Variants in ZNF106 observed in about 807,000 individuals in gnomAD.
ZNF106 encodes the protein zinc finger protein 106.
In ZNF106, 67 loss-of-function variants were observed where a neutral mutation model predicts 195.1. The observed-to-expected ratio is 0.34, with a 90% CI of 0.28 to 0.42. ZNF106 has a LOEUF of 0.42. ZNF106 is among the 10% of genes least tolerant of loss of function. ZNF106 has a pLI of 1.00. For synonymous variants in ZNF106, 784 were observed against 818.6 expected (o/e 0.96, Z 0.72); for missense variants, 2,118 against 2,304.5 (o/e 0.92, Z 1.66).
intron 21 of ZNF106, 59 bp downstream of exon 21, chr15:42,417,746 A>C: frequency 6.6e-7 from 1 of 1,506,248 alleles, no homozygotes; most frequent in South Asian, 1.4e-5. Context: ...AAGGTTTGCT[A>C]GCCCCTGCTC....
At chr15:42,446,388 C>G (rs1044600459) in intron 7 of ZNF106, among the ~76,000 whole-genome samples, 1 of 152,036 alleles carries the variant, frequency 6.6e-6, no homozygotes, top group Non-Finnish European at 1.5e-5. Context: ...TGAGTCCAGC[C>G]TGGGCAATAT....
At chr15:42,454,793 G>A (rs1435585593) in intron 4 of ZNF106, among the ~76,000 whole-genome samples, 1 of 152,012 alleles carries the variant, frequency 6.6e-6, no homozygotes, top group African/African-American at 2.4e-5. Context: ...CAGCTTCTCG[G>A]GAGGTTGAGG....
intron 1 of ZNF106, among the ~76,000 whole-genome samples, chr15:42,485,656 C>T (rs1385647330): frequency 6.6e-6 from 1 of 152,014 alleles, no homozygotes; most frequent in Non-Finnish European, 1.5e-5. Flanking sequence ...ACCTTAGCTG[C>T]TTAGGATAGG....
At chr15:42,462,720 G>A (rs990815487) in intron 3 of ZNF106, among the ~76,000 whole-genome samples, 1 of 152,214 alleles carries the variant, frequency 6.6e-6, no homozygotes, top group Non-Finnish European at 1.5e-5. Flanking sequence ...GGGGTGGAGA[G>A]AAGACTTTTA....
intron 14 of ZNF106, among the ~76,000 whole-genome samples, chr15:42,433,115 TA>T (rs1226296741): frequency 6.6e-6 from 1 of 152,174 alleles, no homozygotes; most frequent in African/African-American, 2.4e-5. Context: ...TTTATTTATT[TA>T]TTTTTTTGAG....
At chr15:42,428,645 C>T (rs2054941114) in intron 14 of ZNF106, among the ~76,000 whole-genome samples, 2 of 152,344 alleles carry the variant, frequency 1.3e-5, no homozygotes, top group South Asian at 4.1e-4. Context: ...AGAACCCAAG[C>T]TCCAACCCCA....
intron 9 of ZNF106, 45 bp from the exon 10 acceptor site, chr15:42,442,459 T>A: frequency 6.6e-7 from 1 of 1,505,612 alleles, no homozygotes; most frequent in Non-Finnish European, 9.0e-7. Flanking sequence ...AAATGTTATC[T>A]GAAAAGTCAT....
Position 42,444,242 on chromosome 15 carries a change from T to C in ZNF106, c.3381A>G (p.Ala1127=). The C allele has an allele frequency of 1.2e-6, 2 of 1,610,164 alleles. No homozygotes were observed. The highest frequency in any genetic ancestry group is 1.7e-6 in the Non-Finnish European group (2 of 1,177,766). ...LKQQITMEMS[A]LRTHRIQILQ... is the part of the protein sequence containing the mutation. Reference sequence around the variant, plus strand: ...GAATCTGTATTCTATGGGTCCTCAGTGCACTCATCTCCATAGTTATCTAAA... The same window carrying C: ...GAATCTGTATTCTATGGGTCCTCAGCGCACTCATCTCCATAGTTATCTAAA... Residue 1127 remains alanine (A), a synonymous_variant, in exon 9 of 22, where the codon GCA becomes GCG. Coordinates refer to ENST00000564754, the MANE Select transcript of ZNF106 (RefSeq NM_001366845.3).
intron 1 of ZNF106, among the ~76,000 whole-genome samples, chr15:42,480,670 A>G (rs2056880203): frequency 6.6e-6 from 1 of 152,068 alleles, no homozygotes; most frequent in African/African-American, 2.4e-5. Context: ...TATCTTTACC[A>G]TTATACTCTT....
intron 3 of ZNF106, among the ~76,000 whole-genome samples, chr15:42,463,112 T>C (rs1423094173): frequency 1.3e-5 from 2 of 152,100 alleles, no homozygotes; most frequent in African/African-American, 4.8e-5. Context: ...CTTTTAAAAA[T>C]GTTTTAAATG....
At chr15:42,440,998 A>AATATATATATATAT (rs56924955) in intron 10 of ZNF106, among the ~76,000 whole-genome samples, 6 of 23,564 alleles carry the variant, frequency 2.5e-4, no homozygotes, top group Non-Finnish European at 3.9e-4. Flanking sequence ...AAAAAAAAAA[A>AATATATATATATAT]ATATATATAT....
chr15:42,417,502 T>C, intron 21 of ZNF106, 142 bp from the exon 22 acceptor site: 1 of 940,486 alleles, frequency 1.1e-6, no homozygotes, highest in East Asian at 2.6e-5. Flanking sequence ...TTTGCTAACT[T>C]ACGTGAAACC....
intron 1 of ZNF106, among the ~76,000 whole-genome samples, chr15:42,480,131 G>T (rs977152082): frequency 4.6e-5 from 7 of 152,154 alleles, no homozygotes; most frequent in African/African-American, 1.4e-4. Flanking sequence ...AATTTTTGTT[G>T]TTGTTATCAC....
rs190531522 is a variant in ZNF106 at position 42,439,442 on chromosome 15, G to A, written c.4135C>T (p.Arg1379Trp). 6.2e-5 allele frequency: 100 copies of A among 1,613,246 alleles called. No individual in the cohort carries two copies. Among genetic ancestry groups the A allele is most frequent in the African/African-American group, 1.6e-4 (12 of 74,736 alleles). Residue 1379 changes from arginine to tryptophan, a missense_variant, in exon 11 of 22, where the codon CGG becomes TGG. Arg to Trp is a moderately radical substitution (Grantham distance 101). Transcript: ENST00000564754. ...GCAGCCCGTAGACTTTTCTTCTTCCGGAGTTTCTTCTTTTTCTTGCTTCCC... is the reference window on the plus strand; with the variant it reads ...GCAGCCCGTAGACTTTTCTTCTTCCAGAGTTTCTTCTTTTTCTTGCTTCCC... ...TRGSKKKKKL[R>W]KKKSLRAAHV...
At chr15:42,452,681 C>CTTTTTTTTT (rs1322441388) in intron 4 of ZNF106, among the ~76,000 whole-genome samples, 1 of 101,900 alleles carries the variant, frequency 9.8e-6, no homozygotes, top group Non-Finnish European at 1.9e-5. Flanking sequence ...CTATAGTTAT[C>CTTTTTTTTT]TTTTTTTTTT....
In ZNF106 at chr15:42,451,461, T is replaced by C. The variant is rs765246363; in HGVS notation, c.811A>G (p.Arg271Gly). ...SGPGDKFQPGRNRNSNCQMED... is the reference protein window; with the variant it reads ...SGPGDKFQPGGNRNSNCQMED... ...ATTTGACAGTTAGAATTTCTGTTTC[T>C]GCCTGGTTGAAATTTGTCTCCAGGG... Residue 271 changes from arginine (R) to glycine (G), a missense_variant, in exon 5 of 22, where the codon AGA becomes GGA. By Grantham distance (125) the Arg-to-Gly change is moderately radical. Transcript: ENST00000564754. The C allele has an allele frequency of 5.6e-6, 9 of 1,614,216 alleles. No individual in the cohort carries two copies. The Admixed American group carries it at 1.5e-4, about 27-fold the overall frequency.
At chr15:42,466,202 G>A in intron 2 of ZNF106, 88 bp from the exon 3 acceptor site, 1 of 969,308 alleles carries the variant, frequency 1.0e-6, no homozygotes. Flanking sequence ...CAAAAATTGG[G>A]GCTCAAACTC....
rs34192054 is a variant in ZNF106 at position 42,415,621 on chromosome 15, CA to C, written c.*1682del. The C allele has an allele frequency of 0.069, 24,649 of 359,724 alleles. 1,111 individuals carry two copies. Among genetic ancestry groups the C allele is most frequent in the Non-Finnish European group, 0.093 (16,784 of 179,752 alleles). 22.3% of individuals were successfully genotyped at this position (359,724 alleles called of 1,614,324 possible). A position where few individuals can be genotyped will look rare whatever the true frequency, so the allele number is the denominator to read the frequency against. On this transcript the variant is annotated 3_prime_UTR_variant, in exon 22 of 22. Transcript: ENST00000564754. ...ATGTGAGTGGATATATGTGCACTAA[CA>C]GGGGCGAAGACAGACCTGGATGGTC...
intron 1 of ZNF106, among the ~76,000 whole-genome samples, chr15:42,477,575 T>C (rs2056810493): frequency 6.6e-6 from 1 of 152,158 alleles, no homozygotes; most frequent in Non-Finnish European, 1.5e-5. Context: ...AAAATTCGTG[T>C]ATCCACAAAA....
Sources: allele counts gnomAD v4.1 joint callset (sites outside exome capture counted in the v4.1 genomes callset), GRCh38; gene constraint gnomAD v4.1.1; transcripts MANE v1.5; gene names NCBI Gene and HGNC (gene_info 2026-07-23, HGNC 2026-07-21).